Variants in BTBD9 observed in about 807,000 individuals in gnomAD.
BTBD9 encodes the protein BTB domain containing 9.
Under a neutral mutation model 64.3 loss-of-function variants are expected in BTBD9, and 49 were observed. The ratio of observed to expected loss-of-function variants is 0.76; its 90% CI spans 0.61 to 0.97. The LOEUF is 0.97. BTBD9 is among the 50% of genes least tolerant of loss of function. The pLI, the probability that BTBD9 is intolerant of heterozygous loss-of-function variation, is 0.00. For missense variants in BTBD9, 598 were observed against 762.1 expected, an observed-to-expected ratio of 0.78 and a Z score of 2.53; for synonymous variants, 260 against 274.7, an observed-to-expected ratio of 0.95 and a Z score of 0.53.
At chr6:38,198,465 A>T (rs1166562316) in intron 9 of BTBD9, among the ~76,000 whole-genome samples, 1 of 152,196 alleles carries the variant, frequency 6.6e-6, no homozygotes, top group East Asian at 1.9e-4. Flanking sequence ...AAGTGACGAG[A>T]GAAAGGGTGA....
intron 6 of BTBD9, among the ~76,000 whole-genome samples, chr6:38,502,311 C>G (rs4236060): frequency 6.6e-6 from 1 of 152,060 alleles, no homozygotes; most frequent in Non-Finnish European, 1.5e-5. Flanking sequence ...TTGCTACCCA[C>G]GAAACAATAT....
intron 6 of BTBD9, among the ~76,000 whole-genome samples, chr6:38,420,402 G>C (rs1767850275): frequency 6.6e-6 from 1 of 152,178 alleles, no homozygotes; most frequent in African/African-American, 2.4e-5. Flanking sequence ...CAGTGACTCA[G>C]ACTTGTGCAT....
chr6:38,510,993 T>C (rs916587031), intron 6 of BTBD9, among the ~76,000 whole-genome samples: 2 of 152,160 alleles, frequency 1.3e-5, no homozygotes, highest in Non-Finnish European at 2.9e-5. Flanking sequence ...GAATTACATA[T>C]GCTATACTTT....
intron 7 of BTBD9, among the ~76,000 whole-genome samples, chr6:38,291,507 C>T (rs1761952027): frequency 6.6e-6 from 1 of 152,090 alleles, no homozygotes; most frequent in African/African-American, 2.4e-5. Flanking sequence ...GCCTGATTGC[C>T]CTGGCCAGAA....
chr6:38,546,726 T>C (rs1001408075), intron 6 of BTBD9, among the ~76,000 whole-genome samples: 3 of 152,236 alleles, frequency 2.0e-5, no homozygotes, highest in African/African-American at 7.2e-5. Flanking sequence ...TGGAGTGCAG[T>C]GACATGATCT....
intron 6 of BTBD9, among the ~76,000 whole-genome samples, chr6:38,433,321 T>C (rs1388474286): frequency 1.3e-5 from 2 of 151,994 alleles, no homozygotes; most frequent in African/African-American, 4.8e-5. Context: ...GTCAGGCCTC[T>C]GAGCCCTAAC....
At chr6:38,286,024 G>T (rs12191714) in intron 8 of BTBD9, among the ~76,000 whole-genome samples, 2 of 151,998 alleles carry the variant, frequency 1.3e-5, no homozygotes, top group Non-Finnish European at 2.9e-5. Flanking sequence ...AAAGGAAGGT[G>T]GGGTATTATT....
In BTBD9 at chr6:38,341,526, T is replaced by C. The variant is rs1190103189; in HGVS notation, c.1264+3458A>G. ...GGATAACTAGTAGGGCATTAAAAAGTGAATTTAAACACAAGATTAAAAGGA... is the reference window on the plus strand; with the variant it reads ...GGATAACTAGTAGGGCATTAAAAAGCGAATTTAAACACAAGATTAAAAGGA... On this transcript the variant is annotated intron_variant, in intron 7 of 10. Coordinates refer to ENST00000481247, the MANE Select transcript of BTBD9 (RefSeq NM_001099272.2). 3.3e-5 allele frequency among the ~76,000 whole-genome samples: 5 copies of C among 152,174 alleles called. No homozygotes were observed. In the East Asian group the frequency reaches 9.6e-4, roughly 29 times the overall value.
chr6:38,508,439 T>C (rs1772635354), intron 6 of BTBD9, among the ~76,000 whole-genome samples: 2 of 152,180 alleles, frequency 1.3e-5, no homozygotes, highest in East Asian at 1.9e-4. Context: ...AATGAAGTTA[T>C]TTCTGGAATT....
At chr6:38,460,458 G>T (rs1770025597) in intron 6 of BTBD9, among the ~76,000 whole-genome samples, 1 of 151,954 alleles carries the variant, frequency 6.6e-6, no homozygotes. Flanking sequence ...CCTTCCAAGA[G>T]AAAAAAGAAT....
chr6:38,596,920 AAAT>A (rs1490652240), intron 2 of BTBD9, among the ~76,000 whole-genome samples: 1 of 152,234 alleles, frequency 6.6e-6, no homozygotes, highest in African/African-American at 2.4e-5. Context: ...GGCTGATAAC[AAAT>A]AATGGCTAGA....
chr6:38,358,450 G>A (rs1442680527), intron 6 of BTBD9, among the ~76,000 whole-genome samples: 2 of 152,176 alleles, frequency 1.3e-5, no homozygotes, highest in Non-Finnish European at 2.9e-5. Flanking sequence ...GCCAAAGTAG[G>A]AGAAAGTACA....
chr6:38,441,105 G>A (rs770363809), intron 6 of BTBD9, among the ~76,000 whole-genome samples: 4 of 152,116 alleles, frequency 2.6e-5, no homozygotes, highest in Non-Finnish European at 5.9e-5. Flanking sequence ...CAACACTAAG[G>A]TAAAACAGAA....
At chr6:38,375,940 AAGGAAAGAAGGAAAG>A (rs1256200562) in intron 6 of BTBD9, among the ~76,000 whole-genome samples, 5 of 69,810 alleles carry the variant, frequency 7.2e-5, no homozygotes, top group African/African-American at 3.4e-4. Context: ...AGAAAGAAAG[AAGGAAAGAAGGAAAG>A]AAAGAAAGAA....
chr6:38,201,696 G>A (rs1248970258), intron 9 of BTBD9, among the ~76,000 whole-genome samples: 1 of 152,138 alleles, frequency 6.6e-6, no homozygotes, highest in African/African-American at 2.4e-5. Flanking sequence ...AAGACCAAAG[G>A]ATTCCACCCA....
intron 6 of BTBD9, among the ~76,000 whole-genome samples, chr6:38,473,279 C>A (rs1770728472): frequency 6.6e-6 from 1 of 152,182 alleles, no homozygotes; most frequent in South Asian, 2.1e-4. Flanking sequence ...GAAGTGAGTT[C>A]TCTGATTCAT....
rs373810416 is a variant in BTBD9, at chr6:38,512,849, T to TA, written c.1154+64750dup. ...TGTAGTTGAGATCTAAGTACTTCCA[T>TA]ATAGCTTAATGCTAAAGTTTAACAT... is the stretch of plus-strand genomic sequence containing the variant. On this transcript the variant is annotated intron_variant, in intron 6 of 10. Coordinates refer to ENST00000481247, the MANE Select transcript of BTBD9 (RefSeq NM_001099272.2). 4.0e-3 allele frequency among the ~76,000 whole-genome samples: 606 copies of TA among 152,342 alleles called. 3 individuals carry two copies. The highest frequency in any genetic ancestry group is 0.014 in the African/African-American group (571 of 41,570).
At chr6:38,420,805 G>C (rs928636259) in intron 6 of BTBD9, among the ~76,000 whole-genome samples, 1 of 152,098 alleles carries the variant, frequency 6.6e-6, no homozygotes, top group Non-Finnish European at 1.5e-5. Context: ...TCAGTGAGCT[G>C]AGATGGCACC....
Position 38,190,146 on chromosome 6 carries a change from C to A in BTBD9, c.1641+2373G>T, listed in dbSNP as rs138152664. ...TTTTTTTGTTCTCTGAGAATGAGAT[C>A]CTGTTCATTATTTATTTTATGACTT... On this transcript the variant is annotated intron_variant, in intron 10 of 10. Transcript: ENST00000481247. Among the ~76,000 whole-genome samples, 7 of 151,978 alleles carry A rather than the reference C, an allele frequency of 4.6e-5. No individual in the cohort carries two copies. In the East Asian group the frequency reaches 1.4e-3, roughly 29 times the overall value.
Sources: allele counts gnomAD v4.1 joint callset (sites outside exome capture counted in the v4.1 genomes callset), GRCh38; gene constraint gnomAD v4.1.1; transcripts MANE v1.5; gene names NCBI Gene and HGNC (gene_info 2026-07-23, HGNC 2026-07-21).